The following ADAM15 variants were observed in gnomAD, a reference collection of about 807,000 sequenced individuals.
ADAM15 encodes disintegrin and metalloproteinase domain-containing protein 15.
In ADAM15, 77 loss-of-function variants were observed where a neutral mutation model predicts 113.8. That is an observed-to-expected ratio of 0.68 (90% CI 0.56 to 0.82). ADAM15 has a LOEUF of 0.82. Among genes scored for constraint, ADAM15 ranks in the 40% least tolerant of loss-of-function variants. ADAM15 has a pLI of 0.00. For synonymous variants in ADAM15, 388 were observed against 454.1 expected (o/e 0.85, Z 1.85); for missense variants, 963 against 1,120.1 (o/e 0.86, Z 2.00).
At chr1:155,060,885 T>G in intron 19 of ADAM15, 53 bp downstream of exon 19, 2 of 1,545,862 alleles carry the variant, frequency 1.3e-6, no homozygotes, top group Non-Finnish European at 1.8e-6. Flanking sequence ...GGCATCCAGC[T>G]TGGGCCCTGG....
chr1:155,061,794 C>A, intron 20 of ADAM15, 110 bp from the exon 21 acceptor site: 1 of 1,230,148 alleles, frequency 8.1e-7, no homozygotes. Context: ...TCATTCTCTC[C>A]TGCCCCCTGG....
At position 155,056,098 on chromosome 1, in the gene ADAM15, G is replaced by A. The variant is rs1041704457; in HGVS notation, c.763G>A (p.Val255Ile). The change falls in exon 9 of 23, where the codon GTA becomes ATA. Residue 255 changes from valine (V) to isoleucine (I), a missense_variant. Val to Ile is a conservative substitution (Grantham distance 29, BLOSUM62 3). Coordinates refer to ENST00000356955, the MANE Select transcript of ADAM15 (RefSeq NM_207197.3). The surrounding 1 kb of genome is among the most constrained non-coding windows in gnomAD (Gnocchi z 4.0). The stretch of plus-strand genomic sequence containing the variant: ...CTTTCAGTTCTTCCGGCCCCTGAAT[G>A]TACGAGTGGCACTAGTGGGCCTGGA... ...LLDTFFRPLN[V>I]RVALVGLEAW... 6.2e-7 allele frequency: 1 copy of A among 1,613,592 alleles called. No individual in the cohort carries two copies. The highest frequency in any genetic ancestry group is 8.5e-7 in the Non-Finnish European group (1 of 1,180,034).
In ADAM15 at chr1:155,057,513, G is replaced by A; in HGVS notation, c.1324-124G>A. 6.7e-7 allele frequency: 1 copy of A among 1,488,574 alleles called. No homozygotes were observed. The allele number at this position is 1,488,574 out of a possible 1,614,324, so 92.2% of individuals were successfully genotyped here. The stretch of plus-strand genomic sequence containing the variant: ...TGTCTGTGGGGACAGCACATGGGTT[G>A]TTGGGCTCTAGCCCTCGCTTGCTGT... On this transcript the variant is annotated intron_variant, in intron 12 of 22. Coordinates refer to ENST00000356955, the MANE Select transcript of ADAM15 (RefSeq NM_207197.3). This position sits in a 1 kb window ranked among gnomAD's most constrained non-coding sequence, Gnocchi z 5.0.
intron 19 of ADAM15, 138 bp downstream of exon 19, chr1:155,060,970 A>G (rs1662495411): frequency 1.3e-5 from 11 of 816,852 alleles, no homozygotes; most frequent in Non-Finnish European, 2.1e-5. Context: ...AGTCAGGGCC[A>G]GCCCTGCCCT....
rs1215318090 is a variant in ADAM15 at position 155,054,475 on chromosome 1, A to G, written c.581A>G (p.Glu194Gly). The change falls in exon 6 of 23, where the codon GAG becomes GGG. Residue 194 changes from glutamate (E) to glycine (G), a missense_variant. Coordinates refer to ENST00000356955, the MANE Select transcript of ADAM15 (RefSeq NM_207197.3). ...TCTGTACACACTCAGAAGCCACCAG[A>G]GCACCCCCTGGGACAGCGCCACATT... Reference protein sequence around the residue: ...RESVHTQKPPEHPLGQRHIRR... With the variant: ...RESVHTQKPPGHPLGQRHIRR... 6 of 1,595,458 alleles carry G rather than the reference A, an allele frequency of 3.8e-6. No homozygotes were observed. Among genetic ancestry groups the G allele is most frequent in the Non-Finnish European group, 5.1e-6 (6 of 1,169,158 alleles).
Position 155,057,406 on chromosome 1 carries a change from C to T in ADAM15, c.1323+44C>T, listed in dbSNP as rs768868226. 69 of 1,606,998 alleles carry T rather than the reference C, an allele frequency of 4.3e-5. No homozygotes were observed. The highest frequency in any genetic ancestry group is 8.4e-5 in the Admixed American group (5 of 59,760). The stretch of plus-strand genomic sequence containing the variant: ...GCCTCGCCCCACTCACTTCTGTACC[C>T]TCACCCTGGCTCATTAGCCCTATCC... On this transcript the variant is annotated intron_variant, in intron 12 of 22. Coordinates refer to ENST00000356955, the MANE Select transcript of ADAM15 (RefSeq NM_207197.3). The surrounding 1 kb of genome is among the most constrained non-coding windows in gnomAD (Gnocchi z 5.0).
At position 155,056,315 on chromosome 1, in the gene ADAM15, C is replaced by A; in HGVS notation, c.914+66C>A. 1 of 1,611,162 alleles carries A rather than the reference C, an allele frequency of 6.2e-7. No individual in the cohort carries two copies. The highest frequency in any genetic ancestry group is 8.5e-7 in the Non-Finnish European group (1 of 1,177,902). On this transcript the variant is annotated intron_variant, in intron 9 of 22. Coordinates refer to ENST00000356955, the MANE Select transcript of ADAM15 (RefSeq NM_207197.3). This position sits in a 1 kb window ranked among gnomAD's most constrained non-coding sequence, Gnocchi z 4.0. Reference sequence around the variant, plus strand: ...TGGCCAAATTCACACCCCTTCAGCACCCTACCTCAGCCCCTGAAGCTCTGA... The same window carrying A: ...TGGCCAAATTCACACCCCTTCAGCAACCTACCTCAGCCCCTGAAGCTCTGA...
At position 155,057,447 on chromosome 1, in the gene ADAM15, T is replaced by C; in HGVS notation, c.1323+85T>C. On this transcript the variant is annotated intron_variant, in intron 12 of 22. Transcript: ENST00000356955. This position sits in a 1 kb window ranked among gnomAD's most constrained non-coding sequence, Gnocchi z 5.0. ...AGCCCTATCCCAGCCTCCTGAGCTC[T>C]TGGGTTCTGAAGGGACTTTCCACCC... is the stretch of plus-strand genomic sequence containing the variant. 1 of 1,572,156 alleles carries C rather than the reference T, an allele frequency of 6.4e-7. No individual in the cohort carries two copies. The highest frequency in any genetic ancestry group is 1.1e-5 in the South Asian group (1 of 87,422).
intron 18 of ADAM15, 101 bp from the exon 19 acceptor site, chr1:155,060,662 A>C: frequency 7.6e-7 from 1 of 1,319,594 alleles, no homozygotes; most frequent in African/African-American, 1.5e-5. Flanking sequence ...TAAACCACAC[A>C]TAAGTGCCTG....
In ADAM15 at chr1:155,060,257, C is replaced by T. The variant is rs776893906; in HGVS notation, c.2121C>T (p.Val707=). The change falls in exon 18 of 23, where the codon GTC becomes GTT. Residue 707 remains valine (V), a synonymous_variant. Coordinates refer to ENST00000356955, the MANE Select transcript of ADAM15 (RefSeq NM_207197.3). The part of the protein sequence containing the change: ...GLLLSLLVLL[V]LVMLGASYWY... ...TCCTCAGCCTCCTGGTCTTATTGGT[C>T]CTGGTGATGCTTGGTGCCAGCTACT... The T allele has an allele frequency of 7.4e-6, 12 of 1,614,134 alleles. No homozygotes were observed. Among genetic ancestry groups the T allele is most frequent in the African/African-American group, 1.3e-5 (1 of 75,030 alleles).
rs994256201 is a variant in ADAM15, at chr1:155,062,177, C to T, written c.2425-68C>T. 15 of 1,445,462 alleles carry T rather than the reference C, an allele frequency of 1.0e-5. No individual in the cohort carries two copies. Among genetic ancestry groups the T allele is most frequent in the South Asian group, 1.5e-5 (1 of 68,348 alleles). 89.5% of individuals were successfully genotyped at this position (1,445,462 alleles called of 1,614,324 possible). A position where few individuals can be genotyped will look rare whatever the true frequency, so the allele number is the denominator to read the frequency against. On this transcript the variant is annotated intron_variant, in intron 21 of 22. Transcript: ENST00000356955. This position sits in a 1 kb window ranked among gnomAD's most constrained non-coding sequence, Gnocchi z 7.0. ...CCCCCAAGCTGGTGTTCCCCAGCAC[C>T]AGTGCGTTGGGGGTGGGCAACATGA... is the stretch of plus-strand genomic sequence containing the variant.
chr1:155,058,043 C>T lies in ADAM15; in HGVS notation c.1609C>T (p.Pro537Ser), dbSNP rs896682633. ...CCAGCAGTGCCAGTCACTTTGGGGACCTGGAGCCCAGCCCGCTGCGCCACT... is the reference window on the plus strand; with the variant it reads ...CCAGCAGTGCCAGTCACTTTGGGGATCTGGAGCCCAGCCCGCTGCGCCACT... ...YAQQCQSLWG[P>S]GAQPAAPLCL... The change falls in exon 14 of 23, where the codon CCT becomes TCT. Residue 537 changes from proline (P) to serine (S), a missense_variant. By Grantham distance (74) the Pro-to-Ser change is moderately conservative (BLOSUM62 -1). Transcript: ENST00000356955. This position sits in a 1 kb window ranked among gnomAD's most constrained non-coding sequence, Gnocchi z 4.3. 6 of 1,614,042 alleles carry T rather than the reference C, an allele frequency of 3.7e-6. No homozygotes were observed. Among genetic ancestry groups the T allele is most frequent in the Non-Finnish European group, 4.2e-6 (5 of 1,180,060 alleles).
chr1:155,061,012 G>A, intron 19 of ADAM15, 180 bp downstream of exon 19: 1 of 638,050 alleles, frequency 1.6e-6, no homozygotes, highest in Non-Finnish European at 2.7e-6. Flanking sequence ...GGGAAGCTGA[G>A]TCCAGAAGAG....
chr1:155,051,825 A>G (rs1177093609), intron 1 of ADAM15: 3 of 219,934 alleles, frequency 1.4e-5, no homozygotes, highest in Non-Finnish European at 2.7e-5. Context: ...GGGCCTAGCT[A>G]ACCGTTCGAC....
intron 16 of ADAM15, among the ~76,000 whole-genome samples, 153 bp from the exon 17 acceptor site, chr1:155,059,749 C>G (rs555716129): frequency 6.6e-6 from 1 of 152,242 alleles, no homozygotes; most frequent in Non-Finnish European, 1.5e-5. Context: ...ATCTAATTTG[C>G]TCTGGTATGG....
In ADAM15 at chr1:155,052,671, G is replaced by C. The variant is rs1571590230; in HGVS notation, c.80G>C (p.Gly27Ala). ...PLPSWPLPNI[G>A]GTEEQQAESE... is the part of the protein sequence containing the mutation. ...TCTTGGGGTGTCCTGGGACCTGCAG[G>C]TGGCACTGAGGAGCAGCAGGCAGAG... is the stretch of plus-strand genomic sequence containing the variant. The change falls in exon 2 of 23, where the codon GGT (glycine) becomes GCT (alanine). Residue 27 changes from glycine to alanine, a missense_variant and splice_region_variant. Physicochemically the swap from Gly to Ala is moderately conservative, Grantham distance 60. Coordinates refer to ENST00000356955, the MANE Select transcript of ADAM15 (RefSeq NM_207197.3). 1 of 1,603,682 alleles carries C rather than the reference G, an allele frequency of 6.2e-7. No individual in the cohort carries two copies. Among genetic ancestry groups the C allele is most frequent in the Non-Finnish European group, 8.5e-7 (1 of 1,176,074 alleles).
chr1:155,057,685 G>C lies in ADAM15; in HGVS notation c.1372G>C (p.Gly458Arg), dbSNP rs1380120901. Residue 458 changes from glycine to arginine, a missense_variant, in exon 13 of 23, where the codon GGT (glycine) becomes CGT (arginine). By Grantham distance (125) the Gly-to-Arg change is moderately radical. Transcript: ENST00000356955. The surrounding 1 kb of genome is among the most constrained non-coding windows in gnomAD (Gnocchi z 5.0). ...CDSLTCQLRPGAQCASDGPCC... is the reference protein window; with the variant it reads ...CDSLTCQLRPRAQCASDGPCC... ...TTCTTTGACCTGCCAGCTGAGGCCA[G>C]GTGCACAGTGTGCATCTGACGGACC... is the stretch of plus-strand genomic sequence containing the variant. The C allele has an allele frequency of 6.2e-7, 1 of 1,614,058 alleles. No homozygotes were observed. The highest frequency in any genetic ancestry group is 8.5e-7 in the Non-Finnish European group (1 of 1,180,032).
chr1:155,061,137 G>A (rs1035286700), intron 19 of ADAM15: 24 of 579,750 alleles, frequency 4.1e-5, no homozygotes, highest in Admixed American at 3.3e-4. Flanking sequence ...AGGGCACAAG[G>A]GCAGTGGTGC....
rs1661946567 is a variant in ADAM15, at chr1:155,057,575, T to C, written c.1324-62T>C. Reference sequence around the variant, plus strand: ...TCTTGGCCTGTGGGAGGAGGAGAGATTGGAGGGAGGCTCACAGGCCCCACC... The same window carrying C: ...TCTTGGCCTGTGGGAGGAGGAGAGACTGGAGGGAGGCTCACAGGCCCCACC... On this transcript the variant is annotated intron_variant, in intron 12 of 22. Coordinates refer to ENST00000356955, the MANE Select transcript of ADAM15 (RefSeq NM_207197.3). The surrounding 1 kb of genome is among the most constrained non-coding windows in gnomAD (Gnocchi z 5.0). 3 of 1,585,408 alleles carry C rather than the reference T, an allele frequency of 1.9e-6. No homozygotes were observed. The highest frequency in any genetic ancestry group is 2.2e-5 in the East Asian group (1 of 44,670).
Sources: gnomAD v4.1 joint callset for allele counts (sites outside exome capture counted in the v4.1 genomes callset) on GRCh38, gnomAD v4.1.1 for gene constraint, Gnocchi (gnomAD v3.1) non-coding constraint, MANE v1.5 for transcripts, NCBI Gene and HGNC (gene_info 2026-07-23, HGNC 2026-07-21) for gene names.